Variants in PPM1E observed in about 807,000 individuals in gnomAD.
PPM1E encodes protein phosphatase, Mg2+/Mn2+ dependent 1E.
In PPM1E, 20 loss-of-function variants were observed where a neutral mutation model predicts 65.9. The observed-to-expected ratio is 0.30, with a 90% CI of 0.21 to 0.44. PPM1E has a LOEUF of 0.44. PPM1E is among the 20% of genes least tolerant of loss of function. The probability of loss-of-function intolerance (pLI) is 1.00; values close to 1 mark genes in which losing one functional copy is unlikely to be tolerated. For synonymous variants in PPM1E, 352 were observed against 374.9 expected, an observed-to-expected ratio of 0.94 and a Z score of 0.70; for missense variants, 713 against 953.1, an observed-to-expected ratio of 0.75 and a Z score of 3.32.
intron 1 of PPM1E, among the ~76,000 whole-genome samples, chr17:58,836,804 G>A (rs1398404448): frequency 3.4e-5 from 5 of 147,376 alleles, no homozygotes; most frequent in Admixed American, 1.3e-4. Flanking sequence ...GGCGGATCAC[G>A]AGGTCAGGAG....
chr17:58,868,295 G>A (rs2051028349), intron 1 of PPM1E, among the ~76,000 whole-genome samples: 1 of 151,994 alleles, frequency 6.6e-6, no homozygotes. Context: ...ATTCAGCCTG[G>A]GTGACAGAAT....
intron 1 of PPM1E, among the ~76,000 whole-genome samples, chr17:58,793,996 A>C (rs551787312): frequency 3.9e-5 from 6 of 152,154 alleles, no homozygotes; most frequent in African/African-American, 1.4e-4. Flanking sequence ...GGCATGCACC[A>C]CTGTGGCCTG....
chr17:58,794,884 G>A (rs2050191069), intron 1 of PPM1E, among the ~76,000 whole-genome samples: 1 of 144,410 alleles, frequency 6.9e-6, no homozygotes, highest in Non-Finnish European at 1.5e-5. Context: ...ATATGTACAT[G>A]TGTCTTTTTT....
At chr17:58,937,197 G>T (rs1279670625) in intron 1 of PPM1E, among the ~76,000 whole-genome samples, 7 of 149,142 alleles carry the variant, frequency 4.7e-5, no homozygotes, top group African/African-American at 1.7e-4. Flanking sequence ...GTACTTTCTT[G>T]TTTCAAATAT....
intron 1 of PPM1E, among the ~76,000 whole-genome samples, chr17:58,918,632 C>T (rs2051713910): frequency 6.6e-6 from 1 of 151,578 alleles, no homozygotes; most frequent in Non-Finnish European, 1.5e-5. Flanking sequence ...ACGGTGAAAC[C>T]CCATCTCTAC....
At chr17:58,846,413 C>T (rs1012712142) in intron 1 of PPM1E, among the ~76,000 whole-genome samples, 4 of 152,226 alleles carry the variant, frequency 2.6e-5, no homozygotes, top group African/African-American at 4.8e-5. Flanking sequence ...AATGCTATCC[C>T]TCCCCGTTTC....
chr17:58,877,035 G>A (rs912220152), intron 1 of PPM1E, among the ~76,000 whole-genome samples: 8 of 152,076 alleles, frequency 5.3e-5, no homozygotes, highest in Non-Finnish European at 7.4e-5. Context: ...CGCCCGCCTC[G>A]GCCTCCCAAA....
intron 1 of PPM1E, among the ~76,000 whole-genome samples, chr17:58,852,175 T>C (rs1303177003): frequency 2.6e-5 from 4 of 152,220 alleles, no homozygotes; most frequent in Admixed American, 2.0e-4. Flanking sequence ...AGGTACCATC[T>C]GTCACGGCTT....
intron 1 of PPM1E, among the ~76,000 whole-genome samples, chr17:58,938,789 T>C (rs1489931225): frequency 1.4e-5 from 2 of 143,944 alleles, no homozygotes; most frequent in African/African-American, 5.1e-5. Context: ...CACTAATTCT[T>C]TTTTTTTTTT....
chr17:58,923,652 C>T (rs1253959007), intron 1 of PPM1E, among the ~76,000 whole-genome samples: 2 of 149,192 alleles, frequency 1.3e-5, no homozygotes, highest in East Asian at 4.1e-4. Context: ...GAGGTTGAGG[C>T]AGGAGAATCG....
At chr17:58,976,780 T>G (rs757031189) in intron 6 of PPM1E, among the ~76,000 whole-genome samples, 56 of 152,190 alleles carry the variant, frequency 3.7e-4, no homozygotes, top group Non-Finnish European at 5.7e-4. Flanking sequence ...TACAAATCTT[T>G]GTATGTTCTG....
chr17:58,914,571 A>C (rs2051663999), intron 1 of PPM1E, among the ~76,000 whole-genome samples: 1 of 152,134 alleles, frequency 6.6e-6, no homozygotes, highest in African/African-American at 2.4e-5. Flanking sequence ...CTTCTCCAGG[A>C]GGTAGTGTTA....
At chr17:58,899,544 A>C (rs1246686780) in intron 1 of PPM1E, 1 of 224,274 alleles carries the variant, frequency 4.5e-6, no homozygotes, top group East Asian at 1.1e-4. Flanking sequence ...TTGACCAGAA[A>C]GTAGGCGAAT....
chr17:58,900,111 T>A (rs1304925359), intron 1 of PPM1E, among the ~76,000 whole-genome samples: 2 of 151,790 alleles, frequency 1.3e-5, no homozygotes, highest in Non-Finnish European at 2.9e-5. Flanking sequence ...CTACTCATGG[T>A]GTAGATGATG....
intron 1 of PPM1E, among the ~76,000 whole-genome samples, chr17:58,929,368 G>A (rs2051864395): frequency 1.3e-5 from 2 of 152,266 alleles, no homozygotes; most frequent in South Asian, 4.1e-4. Flanking sequence ...TCTTGGTAGG[G>A]TTTTGAGTTA....
intron 1 of PPM1E, among the ~76,000 whole-genome samples, chr17:58,818,460 A>G (rs1240546858): frequency 1.3e-5 from 2 of 152,246 alleles, no homozygotes; most frequent in Non-Finnish European, 2.9e-5. Context: ...AGTTTACAGT[A>G]AAGATGAGCC....
chr17:58,856,882 A>G (rs1439092823), intron 1 of PPM1E, among the ~76,000 whole-genome samples: 1 of 152,186 alleles, frequency 6.6e-6, no homozygotes, highest in African/African-American at 2.4e-5. Flanking sequence ...TAGCAAACTA[A>G]TACAGTCATG....
chr17:58,850,191 C>T (rs139863951), intron 1 of PPM1E, among the ~76,000 whole-genome samples: 28,103 of 149,190 alleles, frequency 0.19, 2,763 homozygotes, highest in Non-Finnish European at 0.21. Context: ...AGATGGGTCT[C>T]CTGAATACAG....
intron 1 of PPM1E, among the ~76,000 whole-genome samples, chr17:58,918,995 C>A (rs1005428538): frequency 6.6e-6 from 1 of 152,026 alleles, no homozygotes; most frequent in African/African-American, 2.4e-5. Context: ...TCTACATAAG[C>A]TGGGATGTTG....
Sources: allele counts gnomAD v4.1 joint callset (sites outside exome capture counted in the v4.1 genomes callset), GRCh38; gene constraint gnomAD v4.1.1; transcripts MANE v1.5; gene names NCBI Gene and HGNC (gene_info 2026-07-23, HGNC 2026-07-21).